PIGN: variants seen among roughly 807,000 people sequenced by gnomAD.
PIGN encodes the protein phosphatidylinositol glycan anchor biosynthesis class N, also known as GPI ethanolamine phosphate transferase 1.
Under a neutral mutation model 125.4 loss-of-function variants are expected in PIGN, and 117 were observed. The observed-to-expected ratio is 0.93, with a 90% CI of 0.80 to 1.09. PIGN has a LOEUF of 1.09. PIGN is among the 50% of genes least tolerant of loss of function. The probability of loss-of-function intolerance (pLI) is 0.00; values close to 1 mark genes in which losing one functional copy is unlikely to be tolerated. For synonymous variants in PIGN, 392 were observed against 377.8 expected (o/e 1.04, Z -0.44); for missense variants, 1,075 against 1,094.9 (o/e 0.98, Z 0.26).
chr18:62,141,882 C>A (rs1342761491), intron 11 of PIGN, among the ~76,000 whole-genome samples: 1 of 152,204 alleles, frequency 6.6e-6, no homozygotes, highest in Non-Finnish European at 1.5e-5. Context: ...CCCTTTAATA[C>A]ACCATGTACC....
chr18:62,163,981 T>A (rs1456403196), intron 1 of PIGN, among the ~76,000 whole-genome samples: 1 of 152,190 alleles, frequency 6.6e-6, no homozygotes, highest in Non-Finnish European at 1.5e-5. Context: ...TGTCCTCAAG[T>A]TTCATCCATG....
At chr18:62,084,451 G>A in intron 27 of PIGN, 80 bp downstream of exon 27, 1 of 865,434 alleles carries the variant, frequency 1.2e-6, no homozygotes, top group Admixed American at 2.7e-5. Context: ...TCTTTCCATT[G>A]CTACTTAACT....
intron 30 of PIGN, among the ~76,000 whole-genome samples, chr18:62,046,934 C>T (rs535187705): frequency 1.3e-5 from 2 of 152,216 alleles, no homozygotes; most frequent in East Asian, 3.9e-4. Flanking sequence ...GATCTTGGGA[C>T]CCAAAGAATT....
intron 10 of PIGN, among the ~76,000 whole-genome samples, chr18:62,145,029 G>A (rs1404116098): frequency 6.6e-6 from 1 of 151,344 alleles, no homozygotes; most frequent in African/African-American, 2.4e-5. Flanking sequence ...GGGCAGGGTG[G>A]AGAAAGGAGC....
intron 30 of PIGN, among the ~76,000 whole-genome samples, chr18:62,058,113 A>G (rs1397246677): frequency 1.3e-5 from 2 of 151,298 alleles, no homozygotes; most frequent in Non-Finnish European, 2.9e-5. Flanking sequence ...TCTTGTAAAG[A>G]CTCTTTCTTG....
At position 62,161,226 on chromosome 18, in the gene PIGN, G is replaced by T. The variant is rs759600092; in HGVS notation, c.128C>A (p.Ala43Glu). Residue 43 changes from alanine (A) to glutamate (E), a missense_variant, in exon 4 of 31, where the codon GCG becomes GAG. Transcript: ENST00000640252. ...AGCAACAAACAACACTAATCTTCTCGCTGGAGGAGGCAATGGTGTAAACTG... is the reference window on the plus strand; with the variant it reads ...AGCAACAAACAACACTAATCTTCTCTCTGGAGGAGGCAATGGTGTAAACTG... Reference protein sequence around the residue: ...TPQFTPLPPPARRLVLFVADG... With the variant: ...TPQFTPLPPPERRLVLFVADG... 1.2e-6 allele frequency: 2 copies of T among 1,613,604 alleles called. No individual in the cohort carries two copies. The highest frequency in any genetic ancestry group is 1.7e-6 in the Non-Finnish European group (2 of 1,179,654).
Position 62,031,239 on chromosome 18 carries a change from G to C in PIGN, c.2143-13498C>G, listed in dbSNP as rs568703270. ...GCCTGCTGCCATGTAAGACATGACT[G>C]CTCCTCATTCGCCTTCCACCATGAT... On this transcript the variant is annotated intron_variant, in intron 23 of 24. Transcript: ENST00000639600. 2.0e-5 allele frequency among the ~76,000 whole-genome samples: 3 copies of C among 152,164 alleles called. No homozygotes were observed. In the East Asian group the frequency reaches 5.8e-4, roughly 29 times the overall value.
At chr18:62,130,538 T>TA (rs144074253) in intron 14 of PIGN, among the ~76,000 whole-genome samples, 35,841 of 151,132 alleles carry the variant, frequency 0.24, 4,438 homozygotes, top group Middle Eastern at 0.37. Context: ...ATGTTTAAGT[T>TA]AAAAAAAAAG....
At chr18:62,156,291 C>T (rs902736368) in intron 6 of PIGN, among the ~76,000 whole-genome samples, 12 of 152,042 alleles carry the variant, frequency 7.9e-5, no homozygotes, top group African/African-American at 1.9e-4. Flanking sequence ...ATGGCATCTT[C>T]GATGTATTAA....
At position 62,043,641 on chromosome 18, in the gene PIGN, T is replaced by C. The variant is rs1456775325; in HGVS notation, c.*2215A>G. ...AAAAAGCATTTTGTATTCTAAATAC[T>C]GTACACTAAGTATAATAATTAACAT... is the stretch of plus-strand genomic sequence containing the variant. On this transcript the variant is annotated 3_prime_UTR_variant, in exon 31 of 31. Coordinates refer to ENST00000640252, the MANE Select transcript of PIGN (RefSeq NM_176787.5). The C allele has an allele frequency of 6.6e-6, 1 of 152,252 alleles. No homozygotes were observed. Among genetic ancestry groups the C allele is most frequent in the African/African-American group, 2.4e-5 (1 of 41,472 alleles). The allele number at this position is 152,252 out of a possible 1,614,324, so 9.4% of individuals were successfully genotyped here.
chr18:62,185,068 C>G (rs909423645), intron 1 of PIGN, among the ~76,000 whole-genome samples: 1 of 152,168 alleles, frequency 6.6e-6, no homozygotes, highest in Admixed American at 6.5e-5. Context: ...CTTCAGGAAT[C>G]CTAAATGCAG....
At chr18:62,071,304 G>A (rs534895579) in intron 30 of PIGN, among the ~76,000 whole-genome samples, 6 of 152,212 alleles carry the variant, frequency 3.9e-5, no homozygotes, top group Admixed American at 3.3e-4. Context: ...CTTTGAAACC[G>A]CGGATTCAAG....
intron 23 of PIGN, among the ~76,000 whole-genome samples, chr18:62,022,582 T>C (rs1443158320): frequency 3.9e-5 from 6 of 152,226 alleles, no homozygotes; most frequent in Non-Finnish European, 7.3e-5. Context: ...ACACTCTTAA[T>C]AGTCAAGGGG....
intron 14 of PIGN, among the ~76,000 whole-genome samples, chr18:62,134,590 T>A (rs547713221): frequency 1.4e-4 from 22 of 152,328 alleles, no homozygotes; most frequent in South Asian, 4.1e-4. Context: ...TATTCTGTAA[T>A]CATAATTCAT....
chr18:62,029,316 C>T (rs189803094), intron 23 of PIGN, among the ~76,000 whole-genome samples: 6 of 152,292 alleles, frequency 3.9e-5, no homozygotes, highest in African/African-American at 1.2e-4. Flanking sequence ...CAGCCTTTCT[C>T]ACCACCTGCA....
In PIGN at chr18:62,042,530, CTTTT is replaced by C. The variant is rs1177017629; in HGVS notation, c.*3322_*3325del. ...GAATAAGAGACACATCTCAAAGGTT[CTTTT>C]TGTTTCTTTATAGAATGAATATTAA... On this transcript the variant is annotated 3_prime_UTR_variant, in exon 31 of 31. Transcript: ENST00000640252. 1 of 152,020 alleles carries C rather than the reference CTTTT, an allele frequency of 6.6e-6. No homozygotes were observed. Among genetic ancestry groups the C allele is most frequent in the Non-Finnish European group, 1.5e-5 (1 of 67,992 alleles). The allele number at this position is 152,020 out of a possible 1,614,324, so 9.4% of individuals were successfully genotyped here.
At chr18:62,100,082 T>C (rs1447741153) in intron 22 of PIGN, among the ~76,000 whole-genome samples, 1 of 152,102 alleles carries the variant, frequency 6.6e-6, no homozygotes, top group African/African-American at 2.4e-5. Context: ...AAGGAATTAA[T>C]AACCAAAATA....
intron 29 of PIGN, among the ~76,000 whole-genome samples, chr18:62,074,497 T>A (rs1053263630): frequency 3.3e-5 from 5 of 152,192 alleles, no homozygotes; most frequent in African/African-American, 9.6e-5. Context: ...AATTTAAAGT[T>A]AGCTTTTTCT....
At chr18:62,019,051 T>C (rs507309) in intron 23 of PIGN, among the ~76,000 whole-genome samples, 100,153 of 152,020 alleles carry the variant, frequency 0.66, 34,519 homozygotes, top group African/African-American at 0.87. Flanking sequence ...CTACTGAAAA[T>C]TAAAAAACTT....
Sources: gnomAD v4.1 joint callset for allele counts (sites outside exome capture counted in the v4.1 genomes callset) on GRCh38, gnomAD v4.1.1 for gene constraint, MANE v1.5 for transcripts, NCBI Gene and HGNC (gene_info 2026-07-23, HGNC 2026-07-21) for gene names.